The following TET1 variants were observed in gnomAD, a reference collection of about 807,000 sequenced individuals.
TET1 encodes tet methylcytosine dioxygenase 1, also known as methylcytosine dioxygenase TET1.
A neutral mutation model predicts 148.7 loss-of-function variants in TET1; 13 were observed. The ratio of observed to expected loss-of-function variants is 0.09; its 90% CI spans 0.06 to 0.14. The LOEUF is 0.14. TET1 is among the 10% of genes least tolerant of loss of function. TET1 has a pLI of 1.00. For synonymous variants in TET1, 907 were observed against 937.2 expected (o/e 0.97, Z 0.59); for missense variants, 2,182 against 2,553.8 (o/e 0.85, Z 3.14).
chr10:68,575,151 A>G (rs1020896484), intron 2 of TET1, among the ~76,000 whole-genome samples: 2 of 152,244 alleles, frequency 1.3e-5, no homozygotes, highest in Admixed American at 1.3e-4. Flanking sequence ...TGAAAGGCCG[A>G]GGCGGGCAGA....
chr10:68,572,974 G>A lies in TET1; in HGVS notation c.636G>A (p.Glu212=). 6.2e-7 allele frequency: 1 copy of A among 1,614,110 alleles called. No homozygotes were observed. The highest frequency in any genetic ancestry group is 8.5e-7 in the Non-Finnish European group (1 of 1,180,034). Residue 212 remains glutamate (E), a synonymous_variant, in exon 2 of 12, where the codon GAG becomes GAA. Transcript: ENST00000373644. The part of the protein sequence containing the change: ...NIPTHSGPAA[E]ILPGPLEGTR... The stretch of plus-strand genomic sequence containing the variant: ...CTACCCACAGTGGCCCTGCAGCTGA[G>A]ATCCTTCCTGGGCCACTGGAAGGGA...
rs1388351088 is a variant in TET1, at chr10:68,645,922, T to C, written c.3193T>C (p.Cys1065Arg). ...SKKLDSDDLS[C>R]QDATHTQIEE... Reference sequence around the variant, plus strand: ...AAAATTGGACTCAGATGATCTATCATGTCAGGATGCAACCCATACCCAAAT... The same window carrying C: ...AAAATTGGACTCAGATGATCTATCACGTCAGGATGCAACCCATACCCAAAT... Residue 1065 changes from cysteine to arginine, a missense_variant, in exon 4 of 12, where the codon TGT becomes CGT. Coordinates refer to ENST00000373644, the MANE Select transcript of TET1 (RefSeq NM_030625.3). 6.2e-7 allele frequency: 1 copy of C among 1,614,078 alleles called. No homozygotes were observed.
At chr10:68,644,458 G>A (rs1026753965) in intron 3 of TET1, among the ~76,000 whole-genome samples, 2 of 152,056 alleles carry the variant, frequency 1.3e-5, no homozygotes, top group African/African-American at 4.8e-5. Flanking sequence ...CTCCCATCTT[G>A]TCCTCCCAAA....
intron 2 of TET1, among the ~76,000 whole-genome samples, chr10:68,585,293 T>C (rs1201534659): frequency 6.6e-6 from 1 of 152,064 alleles, no homozygotes; most frequent in Non-Finnish European, 1.5e-5. Context: ...CGTGAGGCAC[T>C]GCGTCCAGTC....
intron 3 of TET1, among the ~76,000 whole-genome samples, chr10:68,631,433 C>CTTTTTTTTTTTTTTTT (rs546257824): frequency 1.4e-4 from 16 of 110,572 alleles, no homozygotes; most frequent in African/African-American, 2.3e-4. Context: ...TTTCTTTCTT[C>CTTTTTTTTTTTTTTTT]TTTTTTTTTT....
intron 1 of TET1, among the ~76,000 whole-genome samples, chr10:68,567,577 A>G (rs2133671029): frequency 6.6e-6 from 1 of 151,838 alleles, no homozygotes; most frequent in East Asian, 2.0e-4. Context: ...TACAGGCATG[A>G]GCCACTGTGC....
At position 68,607,817 on chromosome 10, in the gene TET1, T is replaced by C. The variant is rs527626191; in HGVS notation, c.1968+6783T>C. Among the ~76,000 whole-genome samples, 3 of 148,170 alleles carry C rather than the reference T, an allele frequency of 2.0e-5. No homozygotes were observed. In the South Asian group the frequency reaches 6.3e-4, roughly 31 times the overall value. On this transcript the variant is annotated intron_variant, in intron 3 of 11. Transcript: ENST00000373644. ...ATATATTCTCTCTATATATAGAATATATAAATATGTTTATATATATAAATA... is the reference window on the plus strand; with the variant it reads ...ATATATTCTCTCTATATATAGAATACATAAATATGTTTATATATATAAATA...
At chr10:68,620,054 C>T (rs2054347973) in intron 3 of TET1, among the ~76,000 whole-genome samples, 1 of 152,004 alleles carries the variant, frequency 6.6e-6, no homozygotes, top group Non-Finnish European at 1.5e-5. Context: ...ATTAGCCAGG[C>T]GTGGTGGCAG....
rs753563010 is a variant in TET1, at chr10:68,691,100, T to C, written c.5697T>C (p.Pro1899=). Residue 1899 remains proline, a synonymous_variant, in exon 12 of 12, where the codon CCT becomes CCC. Coordinates refer to ENST00000373644, the MANE Select transcript of TET1 (RefSeq NM_030625.3). This position sits in a 1 kb window ranked among gnomAD's most constrained non-coding sequence, Gnocchi z 4.4. ...SGANAAAADG[P]GISQLGEVAP... ...CCAATGCAGCTGCTGCTGATGGCCC[T>C]GGCATTTCACAGCTTGGCGAAGTGG... The C allele has an allele frequency of 1.2e-6, 2 of 1,614,214 alleles. No individual in the cohort carries two copies. The highest frequency in any genetic ancestry group is 1.7e-5 in the Admixed American group (1 of 60,022).
intron 8 of TET1, among the ~76,000 whole-genome samples, chr10:68,679,236 C>G (rs544824388): frequency 1.3e-5 from 2 of 152,216 alleles, no homozygotes; most frequent in East Asian, 3.9e-4. Flanking sequence ...ACTGTACAAA[C>G]TATGAGTTGC....
intron 8 of TET1, among the ~76,000 whole-genome samples, chr10:68,674,161 A>G (rs1160557181): frequency 6.6e-6 from 1 of 151,760 alleles, no homozygotes; most frequent in Admixed American, 6.6e-5. Flanking sequence ...ATGAGGTTTC[A>G]CCATGTTGGC....
At chr10:68,631,740 A>G (rs2133029723) in intron 3 of TET1, among the ~76,000 whole-genome samples, 1 of 152,288 alleles carries the variant, frequency 6.6e-6, no homozygotes, top group South Asian at 2.1e-4. Flanking sequence ...TTGATGGTAA[A>G]TAAATACTCG....
At chr10:68,595,949 T>TACATATAC (rs2053976890) in intron 2 of TET1, among the ~76,000 whole-genome samples, 1 of 30,134 alleles carries the variant, frequency 3.3e-5, no homozygotes, top group African/African-American at 9.0e-5. Flanking sequence ...TATATATATA[T>TACATATAC]ATATATATAT....
chr10:68,604,852 T>C (rs1161813563), intron 3 of TET1, among the ~76,000 whole-genome samples: 1 of 152,256 alleles, frequency 6.6e-6, no homozygotes, highest in African/African-American at 2.4e-5. Flanking sequence ...AAGAACTCTA[T>C]ACTATTTTTG....
intron 3 of TET1, among the ~76,000 whole-genome samples, chr10:68,604,759 G>A (rs2054101650): frequency 6.6e-6 from 1 of 152,204 alleles, no homozygotes; most frequent in South Asian, 2.1e-4. Flanking sequence ...GACCACAGGG[G>A]TGGTATGGTA....
chr10:68,663,778 G>A (rs10998373), intron 6 of TET1, among the ~76,000 whole-genome samples: 27,729 of 152,068 alleles, frequency 0.18, 3,162 homozygotes, highest in African/African-American at 0.31. Flanking sequence ...TTTTTGGAAG[G>A]AGGGTAATTA....
intron 7 of TET1, among the ~76,000 whole-genome samples, chr10:68,667,744 A>T (rs1428635270): frequency 9.4e-6 from 1 of 106,054 alleles, no homozygotes; most frequent in African/African-American, 3.9e-5. Context: ...ACTCCATCTC[A>T]AAAAAAAAAA....
intron 2 of TET1, among the ~76,000 whole-genome samples, chr10:68,585,575 C>G (rs2053851648): frequency 6.6e-6 from 1 of 152,178 alleles, no homozygotes; most frequent in Admixed American, 6.5e-5. Context: ...ATCCCACCCC[C>G]TCAGAATTAT....
rs1418149707 is a variant in TET1, at chr10:68,682,818, C to G, written c.4915-18C>G. The G allele has an allele frequency of 3.1e-6, 5 of 1,610,382 alleles. No individual in the cohort carries two copies. In the South Asian group the frequency reaches 5.5e-5, roughly 18 times the overall value. On this transcript the variant is annotated intron_variant, in intron 9 of 11. Coordinates refer to ENST00000373644, the MANE Select transcript of TET1 (RefSeq NM_030625.3). Reference sequence around the variant, plus strand: ...TCCTTCTCTCTCTTAAGATTGTGCTCCATGCTTTCTTTTCTAGGTGGAATA... The same window carrying G: ...TCCTTCTCTCTCTTAAGATTGTGCTGCATGCTTTCTTTTCTAGGTGGAATA...
Sources: allele counts gnomAD v4.1 joint callset (sites outside exome capture counted in the v4.1 genomes callset), GRCh38; gene constraint gnomAD v4.1.1; non-coding constraint Gnocchi (gnomAD v3.1); transcripts MANE v1.5; gene names NCBI Gene and HGNC (gene_info 2026-07-23, HGNC 2026-07-21).